Variants in AUTS2 observed in about 807,000 individuals in gnomAD.
The protein encoded by AUTS2 is activator of transcription and developmental regulator AUTS2.
A neutral mutation model predicts 112.4 loss-of-function variants in AUTS2; 17 were observed. The ratio of observed to expected loss-of-function variants is 0.15; its 90% CI spans 0.10 to 0.23. AUTS2 has a LOEUF of 0.23. Among genes scored for constraint, AUTS2 ranks in the 10% least tolerant of loss-of-function variants. The pLI is 1.00. For missense variants in AUTS2, 1,510 were observed against 1,701.6 expected, an observed-to-expected ratio of 0.89 and a Z score of 1.98; for synonymous variants, 751 against 702.7, an observed-to-expected ratio of 1.07 and a Z score of -1.09.
chr7:70,184,955 T>C (rs1478683409), intron 4 of AUTS2, among the ~76,000 whole-genome samples: 1 of 152,250 alleles, frequency 6.6e-6, no homozygotes, highest in African/African-American at 2.4e-5. Context: ...AATTCATATA[T>C]GAAAATGCAC....
At chr7:70,355,000 G>A (rs1226010369) in intron 4 of AUTS2, among the ~76,000 whole-genome samples, 1 of 150,552 alleles carries the variant, frequency 6.6e-6, no homozygotes, top group Non-Finnish European at 1.5e-5. Flanking sequence ...GTGTGTATGG[G>A]TGTGTGTGTA....
intron 1 of AUTS2, among the ~76,000 whole-genome samples, chr7:69,721,923 A>C (rs1385564545): frequency 6.6e-6 from 1 of 152,146 alleles, no homozygotes; most frequent in Non-Finnish European, 1.5e-5. Context: ...CCTGAGAGGT[A>C]GGGTTGGGGA....
At chr7:70,517,819 A>G (rs933858315) in intron 5 of AUTS2, among the ~76,000 whole-genome samples, 3 of 152,082 alleles carry the variant, frequency 2.0e-5, no homozygotes, top group Non-Finnish European at 2.9e-5. Context: ...ATATACATAC[A>G]TAATTTGTAT....
At chr7:69,867,698 AG>A (rs1427009517) in intron 1 of AUTS2, among the ~76,000 whole-genome samples, 1 of 152,166 alleles carries the variant, frequency 6.6e-6, no homozygotes, top group African/African-American at 2.4e-5. Flanking sequence ...ATCTAACTTA[AG>A]AGTGCGTGGC....
chr7:70,333,106 C>G (rs529329048), intron 4 of AUTS2, among the ~76,000 whole-genome samples: 1 of 152,114 alleles, frequency 6.6e-6, no homozygotes, highest in African/African-American at 2.4e-5. Flanking sequence ...AGAACTTAAA[C>G]AAATTTACAA....
chr7:69,858,474 G>A (rs1383810185), intron 1 of AUTS2, among the ~76,000 whole-genome samples: 1 of 152,158 alleles, frequency 6.6e-6, no homozygotes, highest in Admixed American at 6.5e-5. Context: ...AGAAGAGGTT[G>A]GACTTAATGC....
chr7:69,939,510 C>G (rs1481018804), intron 2 of AUTS2, among the ~76,000 whole-genome samples: 1 of 152,082 alleles, frequency 6.6e-6, no homozygotes, highest in African/African-American at 2.4e-5. Context: ...AAACTTGATA[C>G]CTTTTGCTTT....
At chr7:69,995,943 T>C (rs896787057) in intron 2 of AUTS2, among the ~76,000 whole-genome samples, 6 of 152,160 alleles carry the variant, frequency 3.9e-5, no homozygotes, top group Non-Finnish European at 1.5e-5. Flanking sequence ...CTAAGGTGGG[T>C]CCAGTAATGC....
intron 4 of AUTS2, among the ~76,000 whole-genome samples, chr7:70,172,804 C>T (rs1375037316): frequency 6.6e-6 from 1 of 152,142 alleles, no homozygotes; most frequent in East Asian, 1.9e-4. Flanking sequence ...TATGAAACAT[C>T]ATTATTATAG....
In AUTS2 at chr7:70,331,932, C is replaced by T. The variant is rs1011031097; in HGVS notation, c.661-103820C>T. Among the ~76,000 whole-genome samples, 6 of 152,278 alleles carry T rather than the reference C, an allele frequency of 3.9e-5. No homozygotes were observed. The East Asian group carries it at 1.2e-3, about 29-fold the overall frequency. On this transcript the variant is annotated intron_variant, in intron 4 of 18. Coordinates refer to ENST00000342771, the MANE Select transcript of AUTS2 (RefSeq NM_015570.4). The stretch of plus-strand genomic sequence containing the variant: ...ATAAGGATGCCCTCTCTCACCACTC[C>T]TATTCCACACAGTATTGGAAGTTCT...
intron 2 of AUTS2, among the ~76,000 whole-genome samples, chr7:69,925,329 C>A (rs538875373): frequency 6.6e-6 from 1 of 152,080 alleles, no homozygotes; most frequent in Non-Finnish European, 1.5e-5. Flanking sequence ...AAAGTAGGAG[C>A]TGAGTTTGTT....
intron 4 of AUTS2, among the ~76,000 whole-genome samples, chr7:70,311,545 T>TTTTTG (rs750371540): frequency 2.5e-4 from 38 of 152,022 alleles, no homozygotes; most frequent in African/African-American, 3.6e-4. Context: ...TTGTTGTTGT[T>TTTTTG]TTTTGTTTTG....
rs150126314 is a variant in AUTS2 at position 69,995,731 on chromosome 7, T to C, written c.522+96233T>C. The stretch of plus-strand genomic sequence containing the variant: ...AGTTCTTTCTGGTTGTTATCCACTT[T>C]TCATTCCTTCTCAACCCATAGAATT... On this transcript the variant is annotated intron_variant, in intron 2 of 18. Transcript: ENST00000342771. 2.9e-4 allele frequency among the ~76,000 whole-genome samples: 44 copies of C among 152,278 alleles called. No individual in the cohort carries two copies. The Middle Eastern group carries it at 0.017, about 59-fold the overall frequency.
At chr7:70,511,574 T>C (rs1389543905) in intron 5 of AUTS2, among the ~76,000 whole-genome samples, 2 of 130,514 alleles carry the variant, frequency 1.5e-5, no homozygotes, top group African/African-American at 5.8e-5. Context: ...TTTTTTTTTT[T>C]TTTTTTTTTT....
intron 5 of AUTS2, among the ~76,000 whole-genome samples, chr7:70,538,510 A>G (rs1800415838): frequency 6.6e-6 from 1 of 152,346 alleles, no homozygotes; most frequent in Admixed American, 6.5e-5. Context: ...AGCCTGGGCA[A>G]CAGAGCAAGA....
chr7:70,702,434 G>A (rs1248220235), intron 6 of AUTS2, among the ~76,000 whole-genome samples: 1 of 152,226 alleles, frequency 6.6e-6, no homozygotes, highest in African/African-American at 2.4e-5. Context: ...TAGATAGACG[G>A]TGAGAGGGGC....
intron 1 of AUTS2, among the ~76,000 whole-genome samples, chr7:69,889,511 TC>T (rs1177580877): frequency 2.6e-5 from 4 of 152,218 alleles, no homozygotes; most frequent in Admixed American, 6.5e-5. Context: ...ATAATACCCG[TC>T]CTAACAGGTG....
At chr7:69,685,263 A>G (rs529095020) in intron 1 of AUTS2, among the ~76,000 whole-genome samples, 16 of 152,262 alleles carry the variant, frequency 1.1e-4, no homozygotes, top group African/African-American at 3.9e-4. Flanking sequence ...GGGGCATGAA[A>G]TGATCTTGTC....
At position 70,768,046 on chromosome 7, in the gene AUTS2, T is replaced by C. The variant is rs2129557711; in HGVS notation, c.1712T>C (p.Val571Ala). 2.5e-6 allele frequency: 4 copies of C among 1,608,250 alleles called. No individual in the cohort carries two copies. Among genetic ancestry groups the C allele is most frequent in the South Asian group, 1.1e-5 (1 of 89,896 alleles). ...CAGTTTGACAAATACCCTACAAAAGTTGACCCATTCTACCGGCACAGTGTG... is the reference window on the plus strand; with the variant it reads ...CAGTTTGACAAATACCCTACAAAAGCTGACCCATTCTACCGGCACAGTGTG... ...PPMFDKYPTK[V>A]DPFYRHSLFH... The change falls in exon 10 of 19, where the codon GTT (valine) becomes GCT (alanine). Residue 571 changes from valine to alanine, a missense_variant. Transcript: ENST00000342771.
Sources: gnomAD v4.1 joint callset for allele counts (sites outside exome capture counted in the v4.1 genomes callset) on GRCh38, gnomAD v4.1.1 for gene constraint, MANE v1.5 for transcripts, NCBI Gene and HGNC (gene_info 2026-07-23, HGNC 2026-07-21) for gene names.